The following CRISPLD2 variants were observed in gnomAD, a reference collection of about 807,000 sequenced individuals.
CRISPLD2 encodes cysteine rich secretory protein LCCL domain containing 2, also known as cysteine-rich secretory protein LCCL domain-containing 2.
CRISPLD2 carries 47 observed loss-of-function variants against 71.1 expected under a neutral mutation model. The observed-to-expected ratio is 0.66, with a 90% CI of 0.52 to 0.84. The LOEUF is 0.84. CRISPLD2 is among the 40% of genes least tolerant of loss of function. The probability of loss-of-function intolerance (pLI) is 0.00; values close to 1 mark genes in which losing one functional copy is unlikely to be tolerated. For missense variants in CRISPLD2, 830 were observed against 651.1 expected, an observed-to-expected ratio of 1.27 and a Z score of -2.99; for synonymous variants, 317 against 250.1, an observed-to-expected ratio of 1.27 and a Z score of -2.52.
Position 84,849,536 on chromosome 16 carries a change from A to G in CRISPLD2, c.492+19A>G. 1 of 1,612,008 alleles carries G rather than the reference A, an allele frequency of 6.2e-7. No homozygotes were observed. The highest frequency in any genetic ancestry group is 8.5e-7 in the Non-Finnish European group (1 of 1,178,628). Reference sequence around the variant, plus strand: ...CACACAGGTAACTCGGGGACTTGCCACGACCTCAGCCCTGCCCCCCAATCC... The same window carrying G: ...CACACAGGTAACTCGGGGACTTGCCGCGACCTCAGCCCTGCCCCCCAATCC... On this transcript the variant is annotated intron_variant, in intron 4 of 14. Transcript: ENST00000262424.
At chr16:84,906,317 G>A (rs1220792753) in intron 14 of CRISPLD2, among the ~76,000 whole-genome samples, 2 of 152,108 alleles carry the variant, frequency 1.3e-5, no homozygotes, top group African/African-American at 4.8e-5. Flanking sequence ...GACAGACTGG[G>A]TCCAGCAGAT....
Position 84,906,777 on chromosome 16 carries a change from T to C in CRISPLD2, c.*135T>C. The C allele has an allele frequency of 9.7e-7, 1 of 1,032,480 alleles. No individual in the cohort carries two copies. Among genetic ancestry groups the C allele is most frequent in the Non-Finnish European group, 1.5e-6 (1 of 667,314 alleles). The allele number at this position is 1,032,480 out of a possible 1,614,324, so 64.0% of individuals were successfully genotyped here. A position where few individuals can be genotyped will look rare whatever the true frequency, so the allele number is the denominator to read the frequency against. ...CTGATGTTCAGTGTCCATCACTTTGTGGCCTGTGGGTGAGGTGACATCTCA... is the reference window on the plus strand; with the variant it reads ...CTGATGTTCAGTGTCCATCACTTTGCGGCCTGTGGGTGAGGTGACATCTCA... On this transcript the variant is annotated 3_prime_UTR_variant, in exon 15 of 15. Coordinates refer to ENST00000262424, the MANE Select transcript of CRISPLD2 (RefSeq NM_031476.4).
chr16:84,896,799 A>G (rs553150651), intron 14 of CRISPLD2, among the ~76,000 whole-genome samples: 2 of 152,360 alleles, frequency 1.3e-5, no homozygotes, highest in Admixed American at 6.5e-5. Flanking sequence ...ATACATATAA[A>G]TGATATTTCT....
chr16:84,904,929 A>T (rs922261981), intron 14 of CRISPLD2, among the ~76,000 whole-genome samples: 2 of 152,236 alleles, frequency 1.3e-5, no homozygotes, highest in Admixed American at 6.5e-5. Context: ...CACAATCTAT[A>T]AATGAAAACA....
intron 3 of CRISPLD2, among the ~76,000 whole-genome samples, chr16:84,847,819 T>G (rs192973533): frequency 1.3e-5 from 2 of 152,338 alleles, no homozygotes; most frequent in East Asian, 3.9e-4. Context: ...CTGGATCACT[T>G]TGAAATCTTT....
intron 14 of CRISPLD2, among the ~76,000 whole-genome samples, chr16:84,900,172 C>G (rs2071740846): frequency 6.6e-6 from 1 of 152,152 alleles, no homozygotes; most frequent in Non-Finnish European, 1.5e-5. Context: ...AGCTCCATCT[C>G]TCCGAGTGCT....
intron 1 of CRISPLD2, among the ~76,000 whole-genome samples, chr16:84,823,500 C>A (rs1050358025): frequency 2.0e-5 from 3 of 152,156 alleles, no homozygotes; most frequent in Admixed American, 1.3e-4. Context: ...GTGTTGCTGG[C>A]CTTCTCCATG....
intron 6 of CRISPLD2, among the ~76,000 whole-genome samples, chr16:84,856,289 C>G (rs1199277070): frequency 1.3e-5 from 2 of 152,198 alleles, no homozygotes; most frequent in Non-Finnish European, 2.9e-5. Context: ...CATACTCTTC[C>G]TTACCTCCAC....
chr16:84,855,440 C>T (rs766395843), intron 6 of CRISPLD2, among the ~76,000 whole-genome samples: 1 of 152,154 alleles, frequency 6.6e-6, no homozygotes, highest in South Asian at 2.1e-4. Context: ...GCATCCAGCA[C>T]GGGAGAAAGA....
chr16:84,905,250 G>A (rs1212385114), intron 14 of CRISPLD2, among the ~76,000 whole-genome samples: 4 of 152,204 alleles, frequency 2.6e-5, no homozygotes, highest in African/African-American at 7.2e-5. Flanking sequence ...CTTGGTGACA[G>A]ACCTTGTGTC....
intron 3 of CRISPLD2, among the ~76,000 whole-genome samples, chr16:84,847,256 A>G (rs1916939120): frequency 6.6e-6 from 1 of 152,182 alleles, no homozygotes; most frequent in Non-Finnish European, 1.5e-5. Flanking sequence ...GTGGGTTTTC[A>G]GGACAAACCT....
intron 12 of CRISPLD2, among the ~76,000 whole-genome samples, chr16:84,880,250 T>C (rs2071556750): frequency 6.6e-6 from 1 of 152,234 alleles, no homozygotes; most frequent in South Asian, 2.1e-4. Context: ...TCTTTACCTT[T>C]TTGTTTGTGC....
At chr16:84,862,900 C>G (rs1018362219) in intron 6 of CRISPLD2, 1 of 152,192 alleles carries the variant, frequency 6.6e-6, no homozygotes, top group African/African-American at 2.4e-5. Context: ...GCTGACTGCC[C>G]GCTGGGGAGA....
At chr16:84,855,599 G>A (rs957069325) in intron 6 of CRISPLD2, among the ~76,000 whole-genome samples, 4 of 152,174 alleles carry the variant, frequency 2.6e-5, no homozygotes, top group African/African-American at 9.7e-5. Flanking sequence ...TGACTCAAAT[G>A]TTAATCTCCT....
chr16:84,879,243 T>C (rs906379937), intron 12 of CRISPLD2, among the ~76,000 whole-genome samples: 1 of 152,208 alleles, frequency 6.6e-6, no homozygotes, highest in East Asian at 1.9e-4. Flanking sequence ...AGGAAAGAAT[T>C]TCAGAAAATA....
intron 2 of CRISPLD2, among the ~76,000 whole-genome samples, chr16:84,843,283 C>G (rs1916825495): frequency 6.6e-6 from 1 of 152,210 alleles, no homozygotes; most frequent in Admixed American, 6.5e-5. Context: ...GCTGCATTGC[C>G]CCTCTGCTCT....
At chr16:84,866,153 C>G (rs988605991) in intron 6 of CRISPLD2, among the ~76,000 whole-genome samples, 6 of 152,116 alleles carry the variant, frequency 3.9e-5, no homozygotes, top group African/African-American at 1.4e-4. Flanking sequence ...AGGAAGACCC[C>G]TTCCCCAGTG....
intron 5 of CRISPLD2, among the ~76,000 whole-genome samples, chr16:84,853,374 T>C (rs1412425357): frequency 6.6e-6 from 1 of 152,154 alleles, no homozygotes; most frequent in African/African-American, 2.4e-5. Context: ...GAACAGACGA[T>C]TTCTGAGCAG....
At chr16:84,904,352 A>C (rs994328915) in intron 14 of CRISPLD2, among the ~76,000 whole-genome samples, 1 of 85,664 alleles carries the variant, frequency 1.2e-5, no homozygotes, top group Non-Finnish European at 2.3e-5. Flanking sequence ...TGGGAGGCCA[A>C]GGAGGGGAGG....
Sources: allele counts gnomAD v4.1 joint callset (sites outside exome capture counted in the v4.1 genomes callset), GRCh38; gene constraint gnomAD v4.1.1; transcripts MANE v1.5; gene names NCBI Gene and HGNC (gene_info 2026-07-23, HGNC 2026-07-21).